MLLT10: variants seen among roughly 807,000 people sequenced by gnomAD.
MLLT10 encodes MLLT10 histone lysine methyltransferase DOT1L cofactor, also known as protein AF-10.
In MLLT10, 30 loss-of-function variants were observed where a neutral mutation model predicts 129.1. That is an observed-to-expected ratio of 0.23 (90% confidence interval 0.17 to 0.32). The LOEUF (loss-of-function observed/expected upper bound fraction) is 0.32. MLLT10 is among the 10% of genes least tolerant of loss of function. The pLI is 1.00. For synonymous variants in MLLT10, 490 were observed against 446.4 expected (o/e 1.10, Z -1.23); for missense variants, 1,119 against 1,268.3 (o/e 0.88, Z 1.79).
At chr10:21,539,305 T>G (rs2034651990) in intron 3 of MLLT10, among the ~76,000 whole-genome samples, 1 of 152,178 alleles carries the variant, frequency 6.6e-6, no homozygotes, top group Non-Finnish European at 1.5e-5. Context: ...ACCCAATAAT[T>G]TTAGTGACTA....
intron 17 of MLLT10, among the ~76,000 whole-genome samples, 181 bp downstream of exon 17, chr10:21,731,235 C>T (rs969641691): frequency 6.6e-6 from 1 of 152,102 alleles, no homozygotes; most frequent in Non-Finnish European, 1.5e-5. Context: ...TATAGTGTTA[C>T]TGCTTGGACT....
intron 13 of MLLT10, among the ~76,000 whole-genome samples, chr10:21,701,459 A>G (rs1016216567): frequency 6.6e-6 from 1 of 151,708 alleles, no homozygotes; most frequent in Non-Finnish European, 1.5e-5. Flanking sequence ...TACTGCTATA[A>G]ACTTTTTAGT....
intron 8 of MLLT10, among the ~76,000 whole-genome samples, chr10:21,636,583 T>C (rs1286152492): frequency 6.6e-6 from 1 of 151,952 alleles, no homozygotes; most frequent in Non-Finnish European, 1.5e-5. Context: ...TCTTTTCTTT[T>C]TTTTTTTTGA....
chr10:21,682,462 T>C (rs1264195693), intron 13 of MLLT10, among the ~76,000 whole-genome samples: 3 of 152,234 alleles, frequency 2.0e-5, no homozygotes, highest in Admixed American at 6.5e-5. Flanking sequence ...AGTTTGGCTT[T>C]TATTGTTTCT....
At chr10:21,705,130 C>T (rs533121203) in intron 13 of MLLT10, among the ~76,000 whole-genome samples, 1 of 152,018 alleles carries the variant, frequency 6.6e-6, no homozygotes, top group Non-Finnish European at 1.5e-5. Context: ...GTGTGGTGTG[C>T]GAAGACGGTG....
At chr10:21,665,335 C>A (rs1252019688) in intron 9 of MLLT10, among the ~76,000 whole-genome samples, 1 of 143,886 alleles carries the variant, frequency 6.9e-6, no homozygotes, top group Non-Finnish European at 1.5e-5. Context: ...GTTGCCCAGG[C>A]TGGAGTGCAA....
At chr10:21,637,642 T>C (rs899811516) in intron 8 of MLLT10, among the ~76,000 whole-genome samples, 4 of 152,168 alleles carry the variant, frequency 2.6e-5, no homozygotes, top group African/African-American at 9.7e-5. Context: ...GACATACCTA[T>C]TTGTGGCAAG....
In MLLT10 at chr10:21,663,578, G is replaced by GT. The variant is rs530785244; in HGVS notation, c.796-6865dup. 6.0e-5 allele frequency among the ~76,000 whole-genome samples: 9 copies of GT among 149,820 alleles called. No homozygotes were observed. The South Asian group carries it at 1.1e-3, about 18-fold the overall frequency. ...TTGTTCGTTTGTTTGTTTTGTTTTTGTTTTTTGAGAGAGTCTTGCTCTGTC... is the reference window on the plus strand; with the variant it reads ...TTGTTCGTTTGTTTGTTTTGTTTTTGTTTTTTTGAGAGAGTCTTGCTCTGTC... On this transcript the variant is annotated intron_variant, in intron 9 of 22. Transcript: ENST00000307729.
Position 21,697,205 on chromosome 10 carries a change from G to A in MLLT10, c.1699+14948G>A, listed in dbSNP as rs944726894. On this transcript the variant is annotated intron_variant, in intron 13 of 22. Transcript: ENST00000307729. ...AAATAGGCCGGGCATGGTGGCTCAT[G>A]CCTGTAATCCCAGGACTTTGAGAGG... Among the ~76,000 whole-genome samples, 10 of 151,672 alleles carry A rather than the reference G, an allele frequency of 6.6e-5. No homozygotes were observed. The East Asian group carries it at 1.7e-3, about 26-fold the overall frequency.
At chr10:21,714,897 G>T (rs1476713171) in intron 14 of MLLT10, among the ~76,000 whole-genome samples, 1 of 152,088 alleles carries the variant, frequency 6.6e-6, no homozygotes, top group East Asian at 1.9e-4. Flanking sequence ...ACAGTGCAGG[G>T]GGAAAGCTGT....
At chr10:21,717,882 C>T (rs1020818594) in intron 14 of MLLT10, among the ~76,000 whole-genome samples, 3 of 146,180 alleles carry the variant, frequency 2.1e-5, no homozygotes, top group African/African-American at 8.0e-5. Context: ...TCCTTCTCCT[C>T]CTCCTTCTCC....
At chr10:21,731,198 G>C (rs554836718) in intron 17 of MLLT10, 144 bp downstream of exon 17, 9 of 770,752 alleles carry the variant, frequency 1.2e-5, no homozygotes, top group Non-Finnish European at 6.0e-6. Flanking sequence ...GAAAGTATAA[G>C]GTGAAGTGGT....
At chr10:21,567,455 C>A (rs1056043755) in intron 3 of MLLT10, among the ~76,000 whole-genome samples, 1 of 152,132 alleles carries the variant, frequency 6.6e-6, no homozygotes, top group Non-Finnish European at 1.5e-5. Flanking sequence ...GCTACCACTC[C>A]AGTAGGGACA....
At chr10:21,739,358 TCTC>T (rs893836421) in intron 21 of MLLT10, among the ~76,000 whole-genome samples, 8 of 152,118 alleles carry the variant, frequency 5.3e-5, no homozygotes, top group South Asian at 2.1e-4. Context: ...AATTCCCTCT[TCTC>T]CTCCAAATCT....
intron 5 of MLLT10, among the ~76,000 whole-genome samples, chr10:21,609,545 GGTGCAGCCTA>G (rs1197029274): frequency 2.0e-5 from 3 of 152,194 alleles, no homozygotes; most frequent in Non-Finnish European, 4.4e-5. Flanking sequence ...CTCCCCATTG[GGTGCAGCCTA>G]GTTCATGTGC....
intron 8 of MLLT10, among the ~76,000 whole-genome samples, chr10:21,627,460 G>A (rs2046570352): frequency 6.6e-6 from 1 of 152,150 alleles, no homozygotes; most frequent in African/African-American, 2.4e-5. Flanking sequence ...TCTCTTCCAT[G>A]TCCAGGATCC....
intron 14 of MLLT10, among the ~76,000 whole-genome samples, chr10:21,716,332 C>A (rs1372132892): frequency 6.6e-6 from 1 of 152,118 alleles, no homozygotes; most frequent in Non-Finnish European, 1.5e-5. Flanking sequence ...TTTAGGGTTG[C>A]TCTAAGTAGT....
chr10:21,682,390 C>T, intron 13 of MLLT10, 133 bp downstream of exon 13: 1 of 711,186 alleles, frequency 1.4e-6, no homozygotes, highest in Non-Finnish European at 2.1e-6. Context: ...AATTGTTCAG[C>T]ACCTTAGTGA....
intron 14 of MLLT10, among the ~76,000 whole-genome samples, chr10:21,717,227 T>A (rs2056638985): frequency 9.1e-6 from 1 of 110,056 alleles, no homozygotes; most frequent in African/African-American, 3.6e-5. Context: ...CGCTCCAGCC[T>A]GGGCAACAAG....
Sources: allele counts gnomAD v4.1 joint callset (sites outside exome capture counted in the v4.1 genomes callset), GRCh38; gene constraint gnomAD v4.1.1; transcripts MANE v1.5; gene names NCBI Gene and HGNC (gene_info 2026-07-23, HGNC 2026-07-21).